RBFOX1: variants seen among roughly 807,000 people sequenced by gnomAD.
RBFOX1 encodes RNA binding protein fox-1 homolog 1.
A neutral mutation model predicts 57.7 loss-of-function variants in RBFOX1; 8 were observed. The observed-to-expected ratio is 0.14, with a 90% CI of 0.08 to 0.25. The LOEUF (loss-of-function observed/expected upper bound fraction) is 0.25, where lower values mean the gene tolerates loss of function less well. Ranked by LOEUF, RBFOX1 falls within the 10% of genes least tolerant of loss-of-function variation. RBFOX1 has a pLI of 1.00. For missense variants in RBFOX1, 611 were observed against 548.5 expected (o/e 1.11, Z -1.14); for synonymous variants, 326 against 222.4 (o/e 1.47, Z -4.15).
chr16:5,407,142 G>C (rs1304530796), intron 1 of RBFOX1, among the ~76,000 whole-genome samples: 1 of 152,164 alleles, frequency 6.6e-6, no homozygotes, highest in East Asian at 1.9e-4. Context: ...AGGCAAGAGA[G>C]AGACAGAGTG....
chr16:7,606,099 C>T (rs749258714), intron 9 of RBFOX1, among the ~76,000 whole-genome samples: 4 of 149,648 alleles, frequency 2.7e-5, no homozygotes, highest in Non-Finnish European at 4.4e-5. Context: ...GCATGAGCCA[C>T]GGTGCCCGAC....
chr16:7,087,102 G>A (rs181758260), intron 4 of RBFOX1, among the ~76,000 whole-genome samples: 12 of 152,272 alleles, frequency 7.9e-5, no homozygotes, highest in African/African-American at 2.6e-4. Flanking sequence ...AATGAGTCTG[G>A]GGAGGCCTTG....
chr16:7,476,745 C>A (rs912875022), intron 4 of RBFOX1, among the ~76,000 whole-genome samples: 1 of 152,186 alleles, frequency 6.6e-6, no homozygotes, highest in Non-Finnish European at 1.5e-5. Flanking sequence ...CCTTGCAAAT[C>A]TGTACCACGA....
At chr16:5,500,147 TCCCTTCCTC>T (rs1199505014) in intron 2 of RBFOX1, among the ~76,000 whole-genome samples, 2 of 128,106 alleles carry the variant, frequency 1.6e-5, no homozygotes, top group East Asian at 5.0e-4. Context: ...CTTCCCTCCT[TCCCTTCCTC>T]CCCTCCCACT....
intron 3 of RBFOX1, among the ~76,000 whole-genome samples, chr16:5,758,876 T>C (rs1464549402): frequency 6.6e-6 from 1 of 152,192 alleles, no homozygotes; most frequent in Non-Finnish European, 1.5e-5. Flanking sequence ...AAAGCGTGGC[T>C]GACCCTCCAT....
At chr16:6,000,613 A>G (rs757601725) in intron 4 of RBFOX1, among the ~76,000 whole-genome samples, 29 of 152,112 alleles carry the variant, frequency 1.9e-4, no homozygotes, top group South Asian at 6.2e-4. Flanking sequence ...GAATTACTTA[A>G]ATATTTGTTG....
chr16:7,005,578 C>G (rs1291637978), intron 3 of RBFOX1, among the ~76,000 whole-genome samples: 1 of 152,142 alleles, frequency 6.6e-6, no homozygotes, highest in Non-Finnish European at 1.5e-5. Context: ...CCTGAAAGAT[C>G]CTATTAGTGA....
At chr16:6,734,296 G>C (rs9646289) in intron 3 of RBFOX1, among the ~76,000 whole-genome samples, 137,838 of 152,226 alleles carry the variant, frequency 0.91, 64,051 homozygotes, top group East Asian at 1. Context: ...CTGGTATAGA[G>C]ATATTTGCTT....
chr16:7,554,654 T>C (rs2087727020), intron 5 of RBFOX1, among the ~76,000 whole-genome samples: 1 of 152,168 alleles, frequency 6.6e-6, no homozygotes, highest in Non-Finnish European at 1.5e-5. Flanking sequence ...TCTAACCTTT[T>C]TTTTTTTAAT....
At chr16:6,924,422 C>G (rs1363083941) in intron 3 of RBFOX1, among the ~76,000 whole-genome samples, 2 of 151,948 alleles carry the variant, frequency 1.3e-5, no homozygotes, top group African/African-American at 4.8e-5. Context: ...TGTGAACTAA[C>G]AGAGTGAGTG....
chr16:7,229,084 T>C (rs1016192101), intron 4 of RBFOX1, among the ~76,000 whole-genome samples: 5 of 152,094 alleles, frequency 3.3e-5, no homozygotes, highest in African/African-American at 9.7e-5. Context: ...AGGAGAAATA[T>C]AAAGAAGGGA....
At chr16:6,105,315 A>G (rs923122312) in intron 1 of RBFOX1, among the ~76,000 whole-genome samples, 5 of 152,294 alleles carry the variant, frequency 3.3e-5, no homozygotes, top group East Asian at 3.9e-4. Context: ...TGATTCATCT[A>G]TTGCTAGAAG....
chr16:7,322,971 G>A (rs1361849716), intron 4 of RBFOX1, among the ~76,000 whole-genome samples: 2 of 152,114 alleles, frequency 1.3e-5, no homozygotes, highest in Non-Finnish European at 1.5e-5. Context: ...TCAGTGGTGG[G>A]TGGTGTAGGT....
At chr16:5,827,920 C>G (rs28542362) in intron 3 of RBFOX1, among the ~76,000 whole-genome samples, 1 of 134,870 alleles carries the variant, frequency 7.4e-6, no homozygotes, top group African/African-American at 2.9e-5. Flanking sequence ...CATCCATCCA[C>G]CCATCCACCC....
At chr16:6,215,224 CAA>C (rs780503056) in intron 1 of RBFOX1, among the ~76,000 whole-genome samples, 1 of 65,230 alleles carries the variant, frequency 1.5e-5, no homozygotes, top group Non-Finnish European at 2.9e-5. Flanking sequence ...GGGGGAGAGA[CAA>C]AGAGGGGAAG....
intron 4 of RBFOX1, among the ~76,000 whole-genome samples, chr16:7,081,788 G>T (rs1186731625): frequency 1.3e-5 from 2 of 152,140 alleles, no homozygotes; most frequent in Non-Finnish European, 2.9e-5. Context: ...TTGAACACCT[G>T]CCTGGAGAAT....
At chr16:6,588,697 T>G (rs922168615) in intron 2 of RBFOX1, among the ~76,000 whole-genome samples, 2 of 152,168 alleles carry the variant, frequency 1.3e-5, no homozygotes, top group Non-Finnish European at 2.9e-5. Flanking sequence ...CATTTTTTGG[T>G]CTTCTATGAT....
chr16:5,617,932 C>A (rs1212417705), intron 3 of RBFOX1, among the ~76,000 whole-genome samples: 3 of 152,178 alleles, frequency 2.0e-5, no homozygotes. Flanking sequence ...GGGTATTGTT[C>A]AAGCCATCAG....
At chr16:7,443,641 C>T (rs765779901) in intron 4 of RBFOX1, among the ~76,000 whole-genome samples, 3 of 152,018 alleles carry the variant, frequency 2.0e-5, no homozygotes, top group East Asian at 1.9e-4. Context: ...AAAAGTGCAG[C>T]GTATTTCTAT....
Sources: gnomAD v4.1 joint callset for allele counts (sites outside exome capture counted in the v4.1 genomes callset) on GRCh38, gnomAD v4.1.1 for gene constraint, MANE v1.5 for transcripts, NCBI Gene and HGNC (gene_info 2026-07-23, HGNC 2026-07-21) for gene names.